Variants in ZNF821 observed in about 807,000 individuals in gnomAD.
ZNF821 encodes zinc finger protein 821.
ZNF821 carries 16 observed loss-of-function variants against 44.3 expected under a neutral mutation model. That is an observed-to-expected ratio of 0.36 (90% CI 0.24 to 0.55). The LOEUF is 0.55. Among genes scored for constraint, ZNF821 ranks in the 20% least tolerant of loss-of-function variants. The pLI is 0.86. For missense variants in ZNF821, 436 were observed against 547.6 expected (o/e 0.80, Z 2.03); for synonymous variants, 204 against 197.6 (o/e 1.03, Z -0.27).
chr16:71,893,415 G>C (rs1271108810), intron 1 of ZNF821, among the ~76,000 whole-genome samples: 4 of 151,602 alleles, frequency 2.6e-5, no homozygotes, highest in Non-Finnish European at 5.9e-5. Context: ...ACTCGCCTCA[G>C]CCTCCCAAAG....
chr16:71,875,668 T>G (rs2035730422), intron 3 of ZNF821, among the ~76,000 whole-genome samples: 1 of 152,038 alleles, frequency 6.6e-6, no homozygotes, highest in African/African-American at 2.4e-5. Context: ...TACACCGTGT[T>G]AGCCAGGATG....
At chr16:71,872,022 G>C (rs1444724224) in intron 3 of ZNF821, among the ~76,000 whole-genome samples, 1 of 151,796 alleles carries the variant, frequency 6.6e-6, no homozygotes, top group Non-Finnish European at 1.5e-5. Context: ...GTAGAGACGG[G>C]GTTTCTCCAT....
At chr16:71,872,289 C>T (rs1174476990) in intron 3 of ZNF821, among the ~76,000 whole-genome samples, 1 of 151,260 alleles carries the variant, frequency 6.6e-6, no homozygotes, top group East Asian at 2.0e-4. Context: ...AAGCTGACTA[C>T]AATTAAGTAA....
chr16:71,863,348 A>G (rs2034133677), intron 6 of ZNF821, among the ~76,000 whole-genome samples: 1 of 151,058 alleles, frequency 6.6e-6, no homozygotes, highest in Non-Finnish European at 1.5e-5. Context: ...GAATGTGTTT[A>G]TCTAATATAT....
At chr16:71,872,799 G>T (rs555535119) in intron 3 of ZNF821, among the ~76,000 whole-genome samples, 69 of 152,250 alleles carry the variant, frequency 4.5e-4, no homozygotes, top group African/African-American at 1.6e-3. Context: ...AGCAAGTTGT[G>T]CTTTTTATAA....
chr16:71,861,348 A>G (rs1332217472), intron 7 of ZNF821, among the ~76,000 whole-genome samples: 4 of 152,166 alleles, frequency 2.6e-5, no homozygotes, highest in Admixed American at 1.3e-4. Context: ...CAAGGTGCAG[A>G]CCACCAACTC....
intron 3 of ZNF821, among the ~76,000 whole-genome samples, chr16:71,868,887 C>T (rs1294250612): frequency 1.3e-5 from 2 of 152,132 alleles, no homozygotes; most frequent in South Asian, 2.1e-4. Flanking sequence ...TGGTCTCTAT[C>T]TCCTGACCTC....
Position 71,891,650 on chromosome 16 carries a change from G to C in ZNF821, n.448+3239C>G, listed in dbSNP as rs376999172. On this transcript the variant is annotated intron_variant and non_coding_transcript_variant, in intron 1 of 2. Transcript: ENST00000561700. Reference sequence around the variant, plus strand: ...GCACCCTGGGAGGCCGAAGCCGGCAGATCACTTGAGGTCAGGAGTTCGAAA... The same window carrying C: ...GCACCCTGGGAGGCCGAAGCCGGCACATCACTTGAGGTCAGGAGTTCGAAA... Among the ~76,000 whole-genome samples, 24 of 152,338 alleles carry C rather than the reference G, an allele frequency of 1.6e-4. 1 individual carries two copies. Among genetic ancestry groups the C allele is most frequent in the Admixed American group, 9.8e-4 (15 of 15,306 alleles).
chr16:71,870,950 C>A (rs757363090), intron 3 of ZNF821, among the ~76,000 whole-genome samples: 2 of 152,198 alleles, frequency 1.3e-5, no homozygotes, highest in Non-Finnish European at 2.9e-5. Context: ...AACTTAGAAA[C>A]CAGCTAGATT....
intron 1 of ZNF821, chr16:71,894,881 C>T: frequency 6.8e-7 from 1 of 1,478,886 alleles, no homozygotes; most frequent in Non-Finnish European, 9.1e-7. Flanking sequence ...AAAGTTTTCT[C>T]TGAATACCGA....
intron 3 of ZNF821, among the ~76,000 whole-genome samples, chr16:71,878,067 T>C (rs2036025495): frequency 6.7e-6 from 1 of 149,716 alleles, no homozygotes; most frequent in East Asian, 1.9e-4. Context: ...CTTCAAATGT[T>C]GCTGCACTTT....
intron 3 of ZNF821, among the ~76,000 whole-genome samples, chr16:71,872,362 C>T (rs2035300106): frequency 6.6e-6 from 1 of 151,960 alleles, no homozygotes; most frequent in Non-Finnish European, 1.5e-5. Flanking sequence ...GCCTGTAATC[C>T]CAGTACTTTG....
chr16:71,883,386 C>T (rs2036628031), intron 1 of ZNF821, 113 bp from the exon 2 acceptor site: 2 of 358,688 alleles, frequency 5.6e-6, no homozygotes, highest in African/African-American at 2.1e-5. Context: ...CCCTCTGCTT[C>T]TTCAAGCATG....
At chr16:71,875,485 G>A (rs1365261857) in intron 3 of ZNF821, among the ~76,000 whole-genome samples, 2 of 137,456 alleles carry the variant, frequency 1.5e-5, no homozygotes, top group Non-Finnish European at 3.1e-5. Context: ...ACGGAGTCTT[G>A]CTCTGTCACC....
At chr16:71,862,086 G>C (rs1302473543) in intron 6 of ZNF821, 144 bp from the exon 7 acceptor site, 14 of 962,288 alleles carry the variant, frequency 1.5e-5, no homozygotes, top group African/African-American at 3.3e-5. Context: ...CCCTAGAAAA[G>C]TCAGTCTCTT....
chr16:71,894,847 T>G (rs1313796275), intron 1 of ZNF821: 1 of 1,533,870 alleles, frequency 6.5e-7, no homozygotes, highest in Non-Finnish European at 8.7e-7. Context: ...GGTTTTCAAG[T>G]TAAAAACAAA....
At chr16:71,880,472 T>G (rs1475946417) in intron 2 of ZNF821, 1 of 152,296 alleles carries the variant, frequency 6.6e-6, no homozygotes, top group Non-Finnish European at 1.5e-5. Context: ...ACCAGCGGAT[T>G]TTTCATGATG....
At chr16:71,869,877 TC>T (rs1285252664) in intron 3 of ZNF821, among the ~76,000 whole-genome samples, 2 of 152,142 alleles carry the variant, frequency 1.3e-5, no homozygotes, top group Non-Finnish European at 2.9e-5. Context: ...TCTCAAGGGA[TC>T]CCCCTACCTC....
upstream of ZNF821, among the ~76,000 whole-genome samples, chr16:71,889,646 C>T (rs1597221326): frequency 1.3e-5 from 2 of 152,092 alleles, no homozygotes; most frequent in East Asian, 3.9e-4. Flanking sequence ...TGCACTCCAG[C>T]CTAGGAGACA....
Sources: allele counts gnomAD v4.1 joint callset (sites outside exome capture counted in the v4.1 genomes callset), GRCh38; gene constraint gnomAD v4.1.1; transcripts MANE v1.5; gene names NCBI Gene and HGNC (gene_info 2026-07-23, HGNC 2026-07-21).